Variants in PPM1F observed in about 807,000 individuals in gnomAD.
PPM1F encodes the protein protein phosphatase, Mg2+/Mn2+ dependent 1F, also known as protein phosphatase 1F.
A neutral mutation model predicts 35.5 loss-of-function variants in PPM1F; 17 were observed. The observed-to-expected ratio is 0.48, with a 90% CI of 0.33 to 0.72. The LOEUF (loss-of-function observed/expected upper bound fraction) is 0.72, where lower values mean the gene tolerates loss of function less well. Among genes scored for constraint, PPM1F ranks in the 30% least tolerant of loss-of-function variants. PPM1F has a pLI of 0.02. For synonymous variants in PPM1F, 241 were observed against 255.5 expected (o/e 0.94, Z 0.54); for missense variants, 521 against 613.0 (o/e 0.85, Z 1.59).
At chr22:21,929,293 C>T (rs1239748922) in intron 6 of PPM1F, among the ~76,000 whole-genome samples, 2 of 152,120 alleles carry the variant, frequency 1.3e-5, no homozygotes, top group Non-Finnish European at 2.9e-5. Flanking sequence ...AACTCCTTGG[C>T]CCATGCGGGC....
chr22:21,944,797 A>C (rs544183617), intron 2 of PPM1F: 3 of 152,256 alleles, frequency 2.0e-5, no homozygotes, highest in African/African-American at 7.2e-5. Flanking sequence ...AGGGTCTTCC[A>C]AGGAAAGGAC....
At chr22:21,950,373 T>C (rs1441389106) in intron 1 of PPM1F, 1 of 151,864 alleles carries the variant, frequency 6.6e-6, no homozygotes, top group Non-Finnish European at 1.5e-5. Context: ...TTTGCTCACA[T>C]CTGACTTGTA....
Position 21,945,983 on chromosome 22 carries a change from G to A in PPM1F, c.66C>T (p.Phe22=). 6.2e-7 allele frequency: 1 copy of A among 1,608,654 alleles called. No individual in the cohort carries two copies. Among genetic ancestry groups the A allele is most frequent in the East Asian group, 2.2e-5 (1 of 44,642 alleles). The change falls in exon 2 of 8, where the codon TTC becomes TTT. Residue 22 remains phenylalanine (F), a synonymous_variant. Transcript: ENST00000263212. The part of the protein sequence containing the change: ...MASGAEETPG[F]LDTLLQDFPA... ...GGAAGTCTTGCAGGAGCGTGTCCAG[G>A]AAGCCTGGGGTCTCCTCAGCTCCAC...
At chr22:21,938,719 C>T (rs2070691816) in intron 3 of PPM1F, 1 of 492,896 alleles carries the variant, frequency 2.0e-6, no homozygotes. Context: ...CGTTGCTACC[C>T]CCTTGTGGCA....
At chr22:21,927,532 A>G (rs1265989723) in intron 6 of PPM1F, among the ~76,000 whole-genome samples, 1 of 152,296 alleles carries the variant, frequency 6.6e-6, no homozygotes. Context: ...AATGAACGGC[A>G]ATCTGCTTCC....
chr22:21,931,984 T>G (rs1004105009), intron 5 of PPM1F, among the ~76,000 whole-genome samples: 2 of 152,044 alleles, frequency 1.3e-5, no homozygotes, highest in Non-Finnish European at 2.9e-5. Context: ...GGCTAATTTT[T>G]TTTTTTAATT....
Position 21,946,036 on chromosome 22 carries a change from C to T in PPM1F, c.13G>A (p.Ala5Thr). The T allele has an allele frequency of 1.3e-6, 2 of 1,542,802 alleles. No homozygotes were observed. Among genetic ancestry groups the T allele is most frequent in the Non-Finnish European group, 1.8e-6 (2 of 1,142,566 alleles). ...GCCATTGGGCTGCTCTTCTGTGGGGCTCCAGAGGACATGCCCAAAGCATCC... is the reference window on the plus strand; with the variant it reads ...GCCATTGGGCTGCTCTTCTGTGGGGTTCCAGAGGACATGCCCAAAGCATCC... MSSG[A>T]PQKSSPMASG... Residue 5 changes from alanine to threonine, a missense_variant, in exon 2 of 8, where the codon GCC becomes ACC. Transcript: ENST00000263212.
At chr22:21,938,070 C>T (rs1337703243) in intron 3 of PPM1F, 6 of 1,268,084 alleles carry the variant, frequency 4.7e-6, no homozygotes, top group Admixed American at 4.9e-5. Context: ...GGCCTGCATG[C>T]GAGGCACTCT....
intron 1 of PPM1F, chr22:21,951,945 TCA>T (rs1180504418): frequency 6.6e-6 from 1 of 152,224 alleles, no homozygotes; most frequent in Non-Finnish European, 1.5e-5. Context: ...GGAGATGGCC[TCA>T]GAGTGCTGGC....
chr22:21,945,755 G>A, intron 2 of PPM1F, 88 bp downstream of exon 2: 2 of 1,360,252 alleles, frequency 1.5e-6, no homozygotes, highest in South Asian at 1.3e-5. Flanking sequence ...TGTGGGGCTG[G>A]ACGTGTAGGG....
chr22:21,938,304 G>C (rs977803883), intron 3 of PPM1F: 16 of 1,235,380 alleles, frequency 1.3e-5, no homozygotes, highest in Admixed American at 3.0e-5. Context: ...CAGAGCGGAG[G>C]AGCAGCAGCT....
intron 5 of PPM1F, among the ~76,000 whole-genome samples, 167 bp downstream of exon 5, chr22:21,933,224 C>A (rs558314160): frequency 2.2e-4 from 34 of 152,166 alleles, no homozygotes; most frequent in Non-Finnish European, 4.1e-4. Context: ...TGTGCTGCTT[C>A]CGTTCAAGTG....
At chr22:21,933,030 A>C (rs558237055) in intron 5 of PPM1F, among the ~76,000 whole-genome samples, 3 of 152,238 alleles carry the variant, frequency 2.0e-5, no homozygotes, top group African/African-American at 7.2e-5. Flanking sequence ...CCCTCCTCTC[A>C]GGAACTGTGA....
At chr22:21,932,705 C>T (rs2070606975) in intron 5 of PPM1F, 2 of 152,212 alleles carry the variant, frequency 1.3e-5, no homozygotes, top group South Asian at 4.1e-4. Flanking sequence ...AATGCCTCAT[C>T]CCTGCACATG....
At chr22:21,930,311 G>C (rs143851749) in intron 6 of PPM1F, among the ~76,000 whole-genome samples, 101 of 152,328 alleles carry the variant, frequency 6.6e-4, no homozygotes, top group African/African-American at 2.3e-3. Context: ...CAGACTGTAC[G>C]TGCATCAGTT....
At chr22:21,932,740 T>C (rs1334224094) in intron 5 of PPM1F, 1 of 152,226 alleles carries the variant, frequency 6.6e-6, no homozygotes, top group East Asian at 1.9e-4. Flanking sequence ...GGAAGGATTG[T>C]TCCCAGAGGA....
At chr22:21,925,917 G>A (rs1186254676) in intron 6 of PPM1F, 1 of 418,036 alleles carries the variant, frequency 2.4e-6, no homozygotes, top group Non-Finnish European at 4.2e-6. Context: ...GCCTAGCGGT[G>A]CCTGCGCCCC....
rs1214268639 is a variant in PPM1F, at chr22:21,931,304, A to G, written c.748-13T>C. 1.9e-5 allele frequency: 31 copies of G among 1,608,816 alleles called. No individual in the cohort carries two copies. The highest frequency in any genetic ancestry group is 2.6e-5 in the Non-Finnish European group (31 of 1,178,938). ...CGCTCTGCAGCCGCTGCAGGGAGAG[A>G]GGGCCCATGAGAGTTGAGAGGAGGT... is the stretch of plus-strand genomic sequence containing the variant. On this transcript the variant is annotated splice_polypyrimidine_tract_variant and intron_variant, in intron 5 of 7. Coordinates refer to ENST00000263212, the MANE Select transcript of PPM1F (RefSeq NM_014634.4).
At chr22:21,938,138 C>T in intron 3 of PPM1F, 4 of 1,302,350 alleles carry the variant, frequency 3.1e-6, no homozygotes, top group Non-Finnish European at 4.0e-6. Context: ...CTCCCTCCTT[C>T]CCAGGCCTGC....
Sources: gnomAD v4.1 joint callset for allele counts (sites outside exome capture counted in the v4.1 genomes callset) on GRCh38, gnomAD v4.1.1 for gene constraint, MANE v1.5 for transcripts, NCBI Gene and HGNC (gene_info 2026-07-23, HGNC 2026-07-21) for gene names.